HSPG2: variants seen among roughly 807,000 people sequenced by gnomAD.
HSPG2 encodes basement membrane-specific heparan sulfate proteoglycan core protein.
In HSPG2, 278 loss-of-function variants were observed where a neutral mutation model predicts 526.6. That is an observed-to-expected ratio of 0.53 (90% confidence interval 0.48 to 0.58). The LOEUF (loss-of-function observed/expected upper bound fraction) is 0.58, where lower values mean the gene tolerates loss of function less well. Ranked by LOEUF, HSPG2 falls within the 20% of genes least tolerant of loss-of-function variation. The pLI is 0.00. For missense variants in HSPG2, 5,354 were observed against 6,099.5 expected, an observed-to-expected ratio of 0.88 and a Z score of 4.07; for synonymous variants, 2,465 against 2,555.4, an observed-to-expected ratio of 0.96 and a Z score of 1.07.
At chr1:21,911,325 G>T (rs1470268012) in intron 1 of HSPG2, among the ~76,000 whole-genome samples, 1 of 152,212 alleles carries the variant, frequency 6.6e-6, no homozygotes, top group Non-Finnish European at 1.5e-5. Context: ...GCTGACAACA[G>T]CTGGGGAGAG....
At chr1:21,910,886 A>G (rs1417224731) in intron 1 of HSPG2, among the ~76,000 whole-genome samples, 1 of 152,108 alleles carries the variant, frequency 6.6e-6, no homozygotes, top group African/African-American at 2.4e-5. Flanking sequence ...CCATTATCTT[A>G]TTTCACAAGC....
intron 71 of HSPG2, 30 bp downstream of exon 71, chr1:21,841,071 T>G: frequency 1.3e-6 from 2 of 1,571,574 alleles, no homozygotes; most frequent in Non-Finnish European, 1.7e-6. Context: ...GGACTGGGCC[T>G]CAGACCCAGA....
Position 21,863,060 on chromosome 1 carries a change from C to CAAAAACAAAAAAAAAAAAAAAAAAAAA in HSPG2, c.4741-946_4741-945insTTTTTTTTTTTTTTTTTTTTTGTTTTT, listed in dbSNP as rs1423127350. Among the ~76,000 whole-genome samples, 2 of 31,234 alleles carry CAAAAACAAAAAAAAAAAAAAAAAAAAA rather than the reference C, an allele frequency of 6.4e-5. 1 individual carries two copies. The highest frequency in any genetic ancestry group is 3.0e-4 in the African/African-American group (2 of 6,724). 20.5% of individuals were successfully genotyped at this position (31,234 alleles called of 152,430 possible). A position where few individuals can be genotyped will look rare whatever the true frequency, so the allele number is the denominator to read the frequency against. On this transcript the variant is annotated intron_variant, in intron 37 of 96. Coordinates refer to ENST00000374695, the MANE Select transcript of HSPG2 (RefSeq NM_005529.7). ...GGGTGACAAAAGCGAGACTCCATCT[C>CAAAAACAAAAAAAAAAAAAAAAAAAAA]AAAAAAAAAAAAAAAAAAAAAAAAA...
intron 42 of HSPG2, among the ~76,000 whole-genome samples, chr1:21,857,905 C>T (rs1639466169): frequency 6.6e-6 from 1 of 152,212 alleles, no homozygotes; most frequent in Admixed American, 6.5e-5. Flanking sequence ...CCTTCTCCTG[C>T]CCTCACCCCA....
rs148956640 is a variant in HSPG2 at position 21,858,976 on chromosome 1, C to G, written c.5293+590G>C. 1.1e-3 allele frequency among the ~76,000 whole-genome samples: 168 copies of G among 151,958 alleles called. No homozygotes were observed. Among genetic ancestry groups the G allele is most frequent in the African/African-American group, 3.8e-3 (157 of 41,408 alleles). On this transcript the variant is annotated intron_variant, in intron 42 of 96. Coordinates refer to ENST00000374695, the MANE Select transcript of HSPG2 (RefSeq NM_005529.7). The surrounding 1 kb of genome is among the most constrained non-coding windows in gnomAD (Gnocchi z 4.2). ...GGTGGCAATCTGCTTGGTGACACAG[C>G]CTTTATGGACGCCCTCCCATCCCTG...
chr1:21,844,355 C>T, intron 64 of HSPG2, 56 bp from the exon 65 acceptor site: 1 of 1,562,510 alleles, frequency 6.4e-7, no homozygotes, highest in Non-Finnish European at 8.7e-7. Context: ...GCCCTCAGCC[C>T]TTCCCCTGGG....
At chr1:21,928,000 C>T (rs140606913) in intron 1 of HSPG2, among the ~76,000 whole-genome samples, 25 of 152,374 alleles carry the variant, frequency 1.6e-4, no homozygotes, top group African/African-American at 5.3e-4. Flanking sequence ...AGTGCAATCA[C>T]GGATTGTCAA....
rs1226955374 is a variant in HSPG2 at position 21,854,308 on chromosome 1, T to A, written c.6324A>T (p.Ser2108=). 6.4e-7 allele frequency: 1 copy of A among 1,572,826 alleles called. No homozygotes were observed. Among genetic ancestry groups the A allele is most frequent in the African/African-American group, 1.3e-5 (1 of 74,364 alleles). ...ACACATATTCTCCAGAATCAGCTGG[T>A]GAGACCTGGGGGAGCCGCAGACGGG... is the stretch of plus-strand genomic sequence containing the variant. The part of the protein sequence containing the change: ...HGSRLRLPQV[S]PADSGEYVCR... The change falls in exon 50 of 97, where the codon TCA becomes TCT. Residue 2108 remains serine, a synonymous_variant. Transcript: ENST00000374695.
chr1:21,899,105 G>T (rs375168145), intron 1 of HSPG2, among the ~76,000 whole-genome samples: 196 of 152,288 alleles, frequency 1.3e-3, no homozygotes, highest in African/African-American at 4.5e-3. Context: ...CAGAGCACGG[G>T]TCCCTCCATC....
intron 33 of HSPG2, among the ~76,000 whole-genome samples, chr1:21,868,076 T>C (rs1214477051): frequency 6.6e-6 from 1 of 151,158 alleles, no homozygotes; most frequent in Non-Finnish European, 1.5e-5. Context: ...TCTTGCTCTG[T>C]TGCCCAGGCT....
In HSPG2 at chr1:21,835,586, A is replaced by G; in HGVS notation, c.10407T>C (p.His3469=). Residue 3469 remains histidine, a synonymous_variant, in exon 76 of 97, where the codon CAT becomes CAC. Coordinates refer to ENST00000374695, the MANE Select transcript of HSPG2 (RefSeq NM_005529.7). ...SCQGTYICQA[H]GPWGKAQASA... is the part of the protein sequence containing the mutation. ...TGGCCTGGGCCTTCCCCCAAGGTCC[A>G]TGGGCCTGGCATATATACGTCCCTT... The G allele has an allele frequency of 1.2e-6, 2 of 1,614,200 alleles. No individual in the cohort carries two copies. The highest frequency in any genetic ancestry group is 1.7e-6 in the Non-Finnish European group (2 of 1,180,010).
At position 21,880,390 on chromosome 1, in the gene HSPG2, C is replaced by A. The variant is rs1174893145; in HGVS notation, c.2168G>T (p.Gly723Val). 3.1e-6 allele frequency: 5 copies of A among 1,614,002 alleles called. No homozygotes were observed. The change falls in exon 16 of 97, where the codon GGC becomes GTC. Residue 723 changes from glycine (G) to valine (V), a missense_variant. Physicochemically the swap from Gly to Val is moderately radical, Grantham distance 109. Transcript: ENST00000374695. ...DTTVTHATSHGRAHSVEECRC... is the reference protein window; with the variant it reads ...DTTVTHATSHVRAHSVEECRC... ...GCACTCCTCCACACTGTGGGCACGG[C>A]CATGGCTGGTGGCATGGGTGACGGT...
chr1:21,855,694 G>A lies in HSPG2; in HGVS notation c.5702-19C>T, dbSNP rs577802179. ...GGGCCCCCTGACGAGTAGACGTGGG[G>A]TCAGCACCCACCAAGCCTGCTCAGA... On this transcript the variant is annotated intron_variant, in intron 45 of 96. Coordinates refer to ENST00000374695, the MANE Select transcript of HSPG2 (RefSeq NM_005529.7). 3.2e-6 allele frequency: 5 copies of A among 1,585,042 alleles called. No individual in the cohort carries two copies. The highest frequency in any genetic ancestry group is 3.6e-5 in the Admixed American group (2 of 55,612).
At chr1:21,906,903 T>C (rs1225438283) in intron 1 of HSPG2, among the ~76,000 whole-genome samples, 1 of 152,104 alleles carries the variant, frequency 6.6e-6, no homozygotes, top group Admixed American at 6.5e-5. Flanking sequence ...AGACGTAAGA[T>C]ATGCTCCCCA....
intron 75 of HSPG2, 95 bp downstream of exon 75, chr1:21,836,707 C>T: frequency 9.4e-7 from 1 of 1,065,018 alleles, no homozygotes; most frequent in South Asian, 1.3e-5. Flanking sequence ...GACAGTGCTT[C>T]ATGTTGCGCC....
At chr1:21,923,104 T>C (rs947540096) in intron 1 of HSPG2, among the ~76,000 whole-genome samples, 1 of 152,070 alleles carries the variant, frequency 6.6e-6, no homozygotes, top group African/African-American at 2.4e-5. Flanking sequence ...CCATTTCTCC[T>C]AAATGAAAAT....
In HSPG2 at chr1:21,852,138, C is replaced by T. The variant is rs190391786; in HGVS notation, c.6820G>A (p.Ala2274Thr). 223 of 1,613,884 alleles carry T rather than the reference C, an allele frequency of 1.4e-4. No homozygotes were observed. In the Admixed American group the frequency reaches 2.0e-3, roughly 14 times the overall value. ...CCACGCTTGTACCATGTGACCTGGG[C>T]GTGGGCCTGCCCTGCCACCACGCAG... ...LSCVVAGQAH[A>T]QVTWYKRGGS... The change falls in exon 53 of 97, where the codon GCC becomes ACC. Residue 2274 changes from alanine (A) to threonine (T), a missense_variant. Transcript: ENST00000374695.
chr1:21,854,906 G>A lies in HSPG2; in HGVS notation c.6075C>T (p.Cys2025=), dbSNP rs370160079. ...CAGTGCCTGCAGGGCTGGTGGCCAC[G>A]CAGAGGTAGAAGCCGGCGTCAGCAG... ...ITTADAGFYL[C]VATSPAGTAQ... is the part of the protein sequence containing the mutation. Residue 2025 remains cysteine (C), a synonymous_variant, in exon 48 of 97, where the codon TGC becomes TGT. Coordinates refer to ENST00000374695, the MANE Select transcript of HSPG2 (RefSeq NM_005529.7). 12 of 1,614,030 alleles carry A rather than the reference G, an allele frequency of 7.4e-6. No individual in the cohort carries two copies. The highest frequency in any genetic ancestry group is 5.3e-5 in the African/African-American group (4 of 74,944).
In HSPG2 at chr1:21,852,074, T is replaced by C. The variant is rs762393417; in HGVS notation, c.6870+14A>G. The C allele has an allele frequency of 1.2e-6, 2 of 1,603,986 alleles. No individual in the cohort carries two copies. Among genetic ancestry groups the C allele is most frequent in the Non-Finnish European group, 1.7e-6 (2 of 1,175,632 alleles). Reference sequence around the variant, plus strand: ...CTGTCCATGGCCCCGTCCCACATTCTTGGTGCCCTGTACCTGGTGCCGGGC... The same window carrying C: ...CTGTCCATGGCCCCGTCCCACATTCCTGGTGCCCTGTACCTGGTGCCGGGC... On this transcript the variant is annotated intron_variant, in intron 53 of 96. Coordinates refer to ENST00000374695, the MANE Select transcript of HSPG2 (RefSeq NM_005529.7).
Sources: gnomAD v4.1 joint callset for allele counts (sites outside exome capture counted in the v4.1 genomes callset) on GRCh38, gnomAD v4.1.1 for gene constraint, Gnocchi (gnomAD v3.1) non-coding constraint, MANE v1.5 for transcripts, NCBI Gene and HGNC (gene_info 2026-07-23, HGNC 2026-07-21) for gene names.